TTLL11: variants seen among roughly 807,000 people sequenced by gnomAD.
TTLL11 encodes tubulin tyrosine ligase like 11.
A neutral mutation model predicts 51.7 loss-of-function variants in TTLL11; 42 were observed. That is an observed-to-expected ratio of 0.81 (90% confidence interval 0.64 to 1.05). The LOEUF is 1.05. Among genes scored for constraint, TTLL11 ranks in the 50% least tolerant of loss-of-function variants. TTLL11 has a pLI of 0.00. For missense variants in TTLL11, 799 were observed against 940.4 expected (o/e 0.85, Z 1.97); for synonymous variants, 381 against 383.5 (o/e 0.99, Z 0.08).
At chr9:121,888,778 C>T (rs538591943) in intron 6 of TTLL11, among the ~76,000 whole-genome samples, 11 of 152,356 alleles carry the variant, frequency 7.2e-5, no homozygotes, top group African/African-American at 2.6e-4. Context: ...CCTTGCATAA[C>T]TGTGATCCTG....
chr9:121,932,435 G>A (rs1181461797), intron 6 of TTLL11, among the ~76,000 whole-genome samples: 1 of 152,160 alleles, frequency 6.6e-6, no homozygotes, highest in African/African-American at 2.4e-5. Flanking sequence ...GATGTGTTTG[G>A]ATTACAGAGT....
chr9:122,006,962 G>T (rs892115817), intron 3 of TTLL11, among the ~76,000 whole-genome samples: 1 of 132,324 alleles, frequency 7.6e-6, no homozygotes, highest in African/African-American at 3.0e-5. Context: ...CTCCTCGGTG[G>T]CAGAGCGAGA....
intron 8 of TTLL11, among the ~76,000 whole-genome samples, chr9:121,829,754 G>A (rs555919665): frequency 2.3e-4 from 34 of 148,958 alleles, no homozygotes; most frequent in Admixed American, 1.3e-3. Context: ...ATGCATGCTC[G>A]TTGTTGATAA....
chr9:121,824,478 CAAAA>C (rs35905457), intron 8 of TTLL11, among the ~76,000 whole-genome samples: 1 of 110,414 alleles, frequency 9.1e-6, no homozygotes, highest in Admixed American at 1.0e-4. Context: ...GACTCCATCT[CAAAA>C]AAAAAAAAAA....
intron 6 of TTLL11, among the ~76,000 whole-genome samples, chr9:121,948,192 G>A (rs1054322647): frequency 6.6e-6 from 1 of 152,188 alleles, no homozygotes; most frequent in African/African-American, 2.4e-5. Context: ...GATGTAGATA[G>A]CTGAAAGCAT....
In TTLL11 at chr9:121,989,780, GA is replaced by G; in HGVS notation, c.694-11del. ...CTTTCACCATTTGAACCTGGAGGGG[GA>G]AAAAAGGATGGCCGACATTATATTG... is the stretch of plus-strand genomic sequence containing the variant. On this transcript the variant is annotated splice_polypyrimidine_tract_variant and intron_variant, in intron 3 of 8. Transcript: ENST00000321582. The surrounding 1 kb of genome is among the most constrained non-coding windows in gnomAD (Gnocchi z 4.2). 7 of 1,575,880 alleles carry G rather than the reference GA, an allele frequency of 4.4e-6. No individual in the cohort carries two copies. Among genetic ancestry groups the G allele is most frequent in the South Asian group, 2.4e-5 (2 of 84,674 alleles).
chr9:121,982,076 A>G (rs1490282907), intron 4 of TTLL11, among the ~76,000 whole-genome samples: 1 of 152,146 alleles, frequency 6.6e-6, no homozygotes, highest in Non-Finnish European at 1.5e-5. Flanking sequence ...CACAAATTCC[A>G]GCTACCTTAG....
In TTLL11 at chr9:122,059,916, C is replaced by A. The variant is rs560027794; in HGVS notation, c.463-20548G>T. 2.6e-5 allele frequency among the ~76,000 whole-genome samples: 4 copies of A among 152,262 alleles called. No individual in the cohort carries two copies. In the South Asian group the frequency reaches 6.2e-4, roughly 24 times the overall value. On this transcript the variant is annotated intron_variant, in intron 1 of 8. Coordinates refer to ENST00000321582, the MANE Select transcript of TTLL11 (RefSeq NM_001139442.2). ...TTTCCTCCTAGCTGTCAGCCAGGGA[C>A]CACACTCAGCAACTAGAGACTCCCC...
intron 3 of TTLL11, among the ~76,000 whole-genome samples, chr9:121,999,147 C>T (rs1051015162): frequency 1.3e-5 from 2 of 152,154 alleles, no homozygotes; most frequent in African/African-American, 4.8e-5. Flanking sequence ...TTATGGGAAC[C>T]CACCTCTGTC....
intron 6 of TTLL11, among the ~76,000 whole-genome samples, chr9:121,966,384 G>A (rs1358405948): frequency 6.6e-6 from 1 of 152,064 alleles, no homozygotes; most frequent in Non-Finnish European, 1.5e-5. Context: ...TTACACTGGG[G>A]TCCTGAATGG....
chr9:122,038,330 T>C (rs1168842919), intron 2 of TTLL11, among the ~76,000 whole-genome samples: 1 of 152,038 alleles, frequency 6.6e-6, no homozygotes, highest in Admixed American at 6.6e-5. Flanking sequence ...ATCTTAAATA[T>C]CCTCTTCATT....
At chr9:121,876,723 T>C (rs1838579831) in intron 6 of TTLL11, among the ~76,000 whole-genome samples, 1 of 152,210 alleles carries the variant, frequency 6.6e-6, no homozygotes, top group South Asian at 2.1e-4. Context: ...AGAAAGCTAC[T>C]GGAATGGTCT....
At chr9:122,018,261 C>T (rs1208398877) in intron 3 of TTLL11, among the ~76,000 whole-genome samples, 1 of 151,822 alleles carries the variant, frequency 6.6e-6, no homozygotes, top group African/African-American at 2.4e-5. Context: ...TACAGGCGCC[C>T]GCCACCACGC....
intron 4 of TTLL11, among the ~76,000 whole-genome samples, chr9:121,977,011 A>G (rs2131664604): frequency 6.6e-6 from 1 of 152,216 alleles, no homozygotes; most frequent in South Asian, 2.1e-4. Flanking sequence ...ATCCTTAGTC[A>G]TCAACTCTTA....
chr9:122,003,902 G>A (rs1231531905), intron 3 of TTLL11, among the ~76,000 whole-genome samples: 4 of 150,782 alleles, frequency 2.7e-5, no homozygotes, highest in Non-Finnish European at 5.9e-5. Flanking sequence ...TGGATCATGA[G>A]GTCAGGAGTT....
At chr9:122,073,081 A>G (rs772377817) in intron 1 of TTLL11, among the ~76,000 whole-genome samples, 13 of 152,190 alleles carry the variant, frequency 8.5e-5, no homozygotes, top group Non-Finnish European at 1.5e-4. Flanking sequence ...AATAATGAAC[A>G]AGACAGATGT....
chr9:122,004,269 C>T (rs1843571256), intron 3 of TTLL11, among the ~76,000 whole-genome samples: 1 of 152,074 alleles, frequency 6.6e-6, no homozygotes, highest in Non-Finnish European at 1.5e-5. Context: ...GAAGATGCTC[C>T]AAACATGTCA....
intron 8 of TTLL11, among the ~76,000 whole-genome samples, chr9:121,824,369 G>T (rs986310712): frequency 2.0e-5 from 3 of 151,742 alleles, no homozygotes; most frequent in Admixed American, 1.3e-4. Context: ...TAGCTACTCA[G>T]GAGGCTGAGG....
At chr9:122,072,895 A>C (rs1845764316) in intron 1 of TTLL11, among the ~76,000 whole-genome samples, 1 of 152,202 alleles carries the variant, frequency 6.6e-6, no homozygotes, top group South Asian at 2.1e-4. Flanking sequence ...TCTCCGGGGA[A>C]GGGACACACA....
Sources: allele counts gnomAD v4.1 joint callset (sites outside exome capture counted in the v4.1 genomes callset), GRCh38; gene constraint gnomAD v4.1.1; non-coding constraint Gnocchi (gnomAD v3.1); transcripts MANE v1.5; gene names NCBI Gene and HGNC (gene_info 2026-07-23, HGNC 2026-07-21).